KLF13: variants seen among roughly 807,000 people sequenced by gnomAD.
KLF13 encodes KLF transcription factor 13, also known as Krueppel-like factor 13.
Under a neutral mutation model 16.7 loss-of-function variants are expected in KLF13, and 8 were observed. The observed-to-expected ratio is 0.48, with a 90% CI of 0.28 to 0.87. KLF13 has a LOEUF of 0.87. Among genes scored for constraint, KLF13 ranks in the 40% least tolerant of loss-of-function variants. The pLI is 0.10. For synonymous variants in KLF13, 245 were observed against 208.4 expected, an observed-to-expected ratio of 1.18 and a Z score of -1.51; for missense variants, 447 against 452.2, an observed-to-expected ratio of 0.99 and a Z score of 0.10.
chr15:31,348,970 G>A (rs1002067266), intron 1 of KLF13, among the ~76,000 whole-genome samples: 1 of 152,106 alleles, frequency 6.6e-6, no homozygotes, highest in African/African-American at 2.4e-5. Context: ...ATCCCATAAG[G>A]AGGGCCCTAC....
chr15:31,331,426 A>T (rs1210908715), intron 1 of KLF13, among the ~76,000 whole-genome samples: 1 of 152,244 alleles, frequency 6.6e-6, no homozygotes, highest in Non-Finnish European at 1.5e-5. Context: ...TGATCCTGAC[A>T]GATTATTGCG....
intron 1 of KLF13, among the ~76,000 whole-genome samples, chr15:31,385,053 G>T (rs2039778337): frequency 6.6e-6 from 1 of 152,206 alleles, no homozygotes; most frequent in South Asian, 2.1e-4. Flanking sequence ...CACAAGAAGA[G>T]ATGTGAGAGG....
At chr15:31,417,885 C>T (rs1424400445) in intron 1 of KLF13, among the ~76,000 whole-genome samples, 1 of 152,036 alleles carries the variant, frequency 6.6e-6, no homozygotes, top group East Asian at 1.9e-4. Context: ...TGGACTAAGA[C>T]AATATTAAAT....
At position 31,344,180 on chromosome 15, in the gene KLF13, G is replaced by T. The variant is rs1489431986; in HGVS notation, c.577+16391G>T. On this transcript the variant is annotated intron_variant, in intron 1 of 1. Transcript: ENST00000307145. ...TGAGCCTGTCACTCCAGCTCCAGAG[G>T]TGGGGCTCTCCCCACACCCATACCC... is the stretch of plus-strand genomic sequence containing the variant. Among the ~76,000 whole-genome samples, 4 of 152,324 alleles carry T rather than the reference G, an allele frequency of 2.6e-5. No individual in the cohort carries two copies. The East Asian group carries it at 7.7e-4, about 29-fold the overall frequency.
intron 1 of KLF13, among the ~76,000 whole-genome samples, chr15:31,339,515 C>G (rs1385016626): frequency 1.3e-5 from 2 of 152,306 alleles, no homozygotes; most frequent in Non-Finnish European, 1.5e-5. Context: ...AGACACCACA[C>G]GAGGATTTTA....
downstream of KLF13, among the ~76,000 whole-genome samples, chr15:31,405,343 A>G (rs1200220289): frequency 6.6e-6 from 1 of 152,156 alleles, no homozygotes; most frequent in Non-Finnish European, 1.5e-5. Flanking sequence ...AAAAGAAAAG[A>G]GCTTGGAGAA....
At chr15:31,417,651 C>G (rs1243524199) in intron 1 of KLF13, among the ~76,000 whole-genome samples, 1 of 151,900 alleles carries the variant, frequency 6.6e-6, no homozygotes, top group East Asian at 2.0e-4. Context: ...AAGGGATTCT[C>G]CTGTCTCAGC....
intron 1 of KLF13, among the ~76,000 whole-genome samples, chr15:31,385,146 G>T (rs941636850): frequency 6.6e-6 from 1 of 152,176 alleles, no homozygotes; most frequent in Non-Finnish European, 1.5e-5. Context: ...ACCAGACGCT[G>T]GATCTGTCCG....
intron 2 of KLF13, among the ~76,000 whole-genome samples, chr15:31,399,962 T>C (rs562311527): frequency 2.0e-5 from 3 of 152,324 alleles, no homozygotes; most frequent in African/African-American, 7.2e-5. Flanking sequence ...CCCTTTGAAC[T>C]TGACTTCTGC....
In KLF13 at chr15:31,362,792, C is replaced by T. The variant is rs1197620976; in HGVS notation, c.578-9218C>T. Among the ~76,000 whole-genome samples the T allele has an allele frequency of 3.9e-5, 6 of 152,164 alleles. No homozygotes were observed. The South Asian group carries it at 1.0e-3, about 26-fold the overall frequency. Reference sequence around the variant, plus strand: ...CTCTCTCTGCACATACAGGCCAAGGCGCACGTAGATCCTTGCTGGTCATCT... The same window carrying T: ...CTCTCTCTGCACATACAGGCCAAGGTGCACGTAGATCCTTGCTGGTCATCT... On this transcript the variant is annotated intron_variant, in intron 1 of 1. Coordinates refer to ENST00000307145, the MANE Select transcript of KLF13 (RefSeq NM_015995.4).
At chr15:31,365,885 G>GC (rs1247158127) in intron 1 of KLF13, among the ~76,000 whole-genome samples, 2 of 152,108 alleles carry the variant, frequency 1.3e-5, no homozygotes, top group Non-Finnish European at 2.9e-5. Flanking sequence ...GAGCCCCTGC[G>GC]CCCCCCTTCC....
rs556212892 is a variant in KLF13 at position 31,351,226 on chromosome 15, T to C, written c.578-20784T>C. 1.1e-3 allele frequency among the ~76,000 whole-genome samples: 165 copies of C among 152,348 alleles called. 1 individual carries two copies. Among genetic ancestry groups the C allele is most frequent in the African/African-American group, 3.9e-3 (161 of 41,572 alleles). ...GCCAAAAGATCATCATTTGAGTGCC[T>C]GGCATTTGTTTTTATTTCTATTTGT... On this transcript the variant is annotated intron_variant, in intron 1 of 1. Transcript: ENST00000307145.
Position 31,382,982 on chromosome 15 carries a change from T to C in KLF13, n.224-52388T>C, listed in dbSNP as rs190316549. ...CCTGCCCCATCATAATGTCTTCCAT[T>C]CCCAACCTCACAATTAGGTAATCAT... On this transcript the variant is annotated intron_variant and non_coding_transcript_variant, in intron 1 of 1. Coordinates refer to the KLF13 transcript ENST00000558921. 1.8e-4 allele frequency among the ~76,000 whole-genome samples: 28 copies of C among 152,294 alleles called. No homozygotes were observed. The Middle Eastern group carries it at 0.017, about 93-fold the overall frequency.
intron 1 of KLF13, among the ~76,000 whole-genome samples, chr15:31,349,355 T>C (rs1455752551): frequency 6.6e-6 from 1 of 152,140 alleles, no homozygotes; most frequent in East Asian, 1.9e-4. Flanking sequence ...TTCCCCAGAG[T>C]GTGGGATGGA....
At chr15:31,422,164 G>A (rs528341602) in intron 1 of KLF13, among the ~76,000 whole-genome samples, 1 of 150,912 alleles carries the variant, frequency 6.6e-6, no homozygotes, top group African/African-American at 2.4e-5. Flanking sequence ...AAGAAATAGA[G>A]TGGTTCAATA....
At chr15:31,406,176 G>A (rs992468374), downstream of KLF13, among the ~76,000 whole-genome samples, 1 of 152,210 alleles carries the variant, frequency 6.6e-6, no homozygotes, top group Non-Finnish European at 1.5e-5. Context: ...CATCAATCCA[G>A]GGTGTCAAAA....
In KLF13 at chr15:31,350,133, C is replaced by T. The variant is rs368238000; in HGVS notation, c.578-21877C>T. ...CAGACATGGAGAGTAGTACAGCATG[C>T]GGCCCCTGCTTTTAAGCCAATATGC... On this transcript the variant is annotated intron_variant, in intron 1 of 1. Transcript: ENST00000307145. Among the ~76,000 whole-genome samples, 16 of 152,348 alleles carry T rather than the reference C, an allele frequency of 1.1e-4. No individual in the cohort carries two copies. The East Asian group carries it at 2.9e-3, about 28-fold the overall frequency.
intron 1 of KLF13, among the ~76,000 whole-genome samples, chr15:31,427,518 G>A (rs2040414416): frequency 6.6e-6 from 1 of 152,116 alleles, no homozygotes; most frequent in African/African-American, 2.4e-5. Context: ...GCACACCCAT[G>A]CTTATTGCAG....
intron 2 of KLF13, among the ~76,000 whole-genome samples, chr15:31,399,462 G>A (rs1015412387): frequency 2.6e-5 from 4 of 152,190 alleles, no homozygotes; most frequent in Non-Finnish European, 4.4e-5. Context: ...ACCGTGCCCA[G>A]CCTATCTCTG....
Sources: allele counts gnomAD v4.1 joint callset (sites outside exome capture counted in the v4.1 genomes callset), GRCh38; gene constraint gnomAD v4.1.1; transcripts MANE v1.5; gene names NCBI Gene and HGNC (gene_info 2026-07-23, HGNC 2026-07-21).